Variants in RASA3 observed in about 807,000 individuals in gnomAD.
RASA3 encodes RAS p21 protein activator 3.
In RASA3, 73 loss-of-function variants were observed where a neutral mutation model predicts 110.0. That is an observed-to-expected ratio of 0.66 (90% CI 0.55 to 0.81). RASA3 has a LOEUF of 0.81. Among genes scored for constraint, RASA3 ranks in the 30% least tolerant of loss-of-function variants. The pLI is 0.00. For synonymous variants in RASA3, 500 were observed against 451.4 expected (o/e 1.11, Z -1.37); for missense variants, 976 against 1,113.2 (o/e 0.88, Z 1.75).
At chr13:114,017,449 G>A (rs1242750729) in intron 11 of RASA3, 98 bp from the exon 12 acceptor site, 1 of 940,864 alleles carries the variant, frequency 1.1e-6, no homozygotes, top group South Asian at 1.3e-5. Flanking sequence ...GGGCTGTGAG[G>A]TCAGTGCACG....
chr13:114,030,483 GGGC>G (rs2054136930), intron 4 of RASA3, among the ~76,000 whole-genome samples: 1 of 128,272 alleles, frequency 7.8e-6, no homozygotes, highest in African/African-American at 3.2e-5. Flanking sequence ...CTCACACAGA[GGGC>G]AAGACTCACA....
At chr13:114,130,249 A>G (rs2080499791) in intron 1 of RASA3, among the ~76,000 whole-genome samples, 1 of 152,168 alleles carries the variant, frequency 6.6e-6, no homozygotes, top group Non-Finnish European at 1.5e-5. Flanking sequence ...TCAGGCAGCC[A>G]GCCCTGCAGG....
At chr13:114,078,180 C>T (rs576586643) in intron 1 of RASA3, among the ~76,000 whole-genome samples, 79 of 152,352 alleles carry the variant, frequency 5.2e-4, no homozygotes, top group African/African-American at 1.8e-3. Context: ...GACCGAGCCT[C>T]TCCCTGCAGC....
intron 1 of RASA3, among the ~76,000 whole-genome samples, chr13:114,076,885 C>T (rs1046852521): frequency 6.6e-6 from 1 of 152,228 alleles, no homozygotes; most frequent in Non-Finnish European, 1.5e-5. Flanking sequence ...TTCCTTCTGA[C>T]ACCTTTACAG....
intron 5 of RASA3, among the ~76,000 whole-genome samples, chr13:114,028,235 C>A (rs2054067872): frequency 6.7e-6 from 1 of 149,734 alleles, no homozygotes; most frequent in Non-Finnish European, 1.5e-5. Context: ...AAAACAGTGT[C>A]ATCCTGGGGG....
intron 8 of RASA3, among the ~76,000 whole-genome samples, chr13:114,023,152 G>A (rs998302151): frequency 6.6e-6 from 1 of 152,270 alleles, no homozygotes; most frequent in Non-Finnish European, 1.5e-5. Context: ...GCCCCTGGGA[G>A]GGAGGGTGAC....
chr13:113,995,371 A>G (rs1190451771), intron 21 of RASA3, among the ~76,000 whole-genome samples: 2 of 152,368 alleles, frequency 1.3e-5, no homozygotes, highest in South Asian at 4.1e-4. Context: ...TGTGTCCACG[A>G]AGCAGGATCT....
chr13:114,059,505 C>T (rs535204839), intron 2 of RASA3, among the ~76,000 whole-genome samples: 7 of 152,238 alleles, frequency 4.6e-5, no homozygotes, highest in Admixed American at 6.5e-5. Flanking sequence ...AAGATGGGGA[C>T]GTCCACGTTT....
chr13:114,033,038 C>A (rs2054203435), intron 4 of RASA3, among the ~76,000 whole-genome samples: 1 of 62,930 alleles, frequency 1.6e-5, no homozygotes, highest in Non-Finnish European at 3.1e-5. Flanking sequence ...CGTTCCACGG[C>A]ACCCCCACAC....
In RASA3 at chr13:114,057,507, T is replaced by C. The variant is rs2079265484; in HGVS notation, c.174-5352A>G. 1.0e-6 allele frequency: 1 copy of C among 985,372 alleles called. No homozygotes were observed. Among genetic ancestry groups the C allele is most frequent in the Non-Finnish European group, 1.2e-6 (1 of 829,900 alleles). 61.0% of individuals were successfully genotyped at this position (985,372 alleles called of 1,614,324 possible). The stretch of plus-strand genomic sequence containing the variant: ...AGAATAGAGGGTTCGTTCAGCTTCT[T>C]AGACCGATGATTTATTTAGGGAATA... On this transcript the variant is annotated intron_variant, in intron 2 of 23. Transcript: ENST00000334062. This position sits in a 1 kb window ranked among gnomAD's most constrained non-coding sequence, Gnocchi z 5.0.
At chr13:114,007,681 C>A in intron 17 of RASA3, 75 bp from the exon 18 acceptor site, 9 of 1,251,768 alleles carry the variant, frequency 7.2e-6, no homozygotes, top group Non-Finnish European at 1.0e-5. Flanking sequence ...ATAACAACAG[C>A]GTCGGCGGCT....
At chr13:114,081,778 C>T (rs1479116899) in intron 1 of RASA3, among the ~76,000 whole-genome samples, 2 of 152,148 alleles carry the variant, frequency 1.3e-5, no homozygotes, top group African/African-American at 4.8e-5. Context: ...CAAAGGTGGG[C>T]TGAAATGAAG....
chr13:113,995,354 C>T (rs1266314603), intron 21 of RASA3, among the ~76,000 whole-genome samples: 2 of 152,268 alleles, frequency 1.3e-5, no homozygotes, highest in Non-Finnish European at 2.9e-5. Flanking sequence ...TCCTGAGCTT[C>T]AGCCTCTGTG....
At chr13:114,075,467 ATC>A (rs1421992478) in intron 1 of RASA3, among the ~76,000 whole-genome samples, 2 of 85,948 alleles carry the variant, frequency 2.3e-5, no homozygotes, top group Non-Finnish European at 5.3e-5. Context: ...CGCGCCGCGT[ATC>A]TCTGCGTGTG....
intron 1 of RASA3, among the ~76,000 whole-genome samples, chr13:114,120,028 A>G (rs368359282): frequency 5.9e-4 from 11 of 18,538 alleles, no homozygotes; most frequent in African/African-American, 2.4e-3. Context: ...CTCCAGCCAG[A>G]CGTCGGTCAG....
intron 2 of RASA3, among the ~76,000 whole-genome samples, chr13:114,053,144 G>C (rs1031278777): frequency 6.6e-6 from 1 of 151,848 alleles, no homozygotes; most frequent in African/African-American, 2.4e-5. Context: ...TCCCGGAGGA[G>C]AGGCCCCTGC....
intron 21 of RASA3, among the ~76,000 whole-genome samples, chr13:113,995,673 A>G (rs1204477055): frequency 1.3e-4 from 12 of 94,720 alleles, no homozygotes; most frequent in African/African-American, 3.7e-4. Context: ...CGGAGGACCC[A>G]GCTGATGGGG....
chr13:113,993,671 G>C (rs979271547), intron 21 of RASA3, among the ~76,000 whole-genome samples: 1 of 151,518 alleles, frequency 6.6e-6, no homozygotes, highest in Non-Finnish European at 1.5e-5. Context: ...AGCCAGGTGT[G>C]GTGGTGCACA....
chr13:114,105,737 TTGTC>T (rs1263734955), intron 1 of RASA3, among the ~76,000 whole-genome samples: 12 of 152,230 alleles, frequency 7.9e-5, no homozygotes, highest in Non-Finnish European at 1.5e-4. Context: ...AGCCCGTCCG[TTGTC>T]CTGACACCTG....
Sources: allele counts gnomAD v4.1 joint callset (sites outside exome capture counted in the v4.1 genomes callset), GRCh38; gene constraint gnomAD v4.1.1; non-coding constraint Gnocchi (gnomAD v3.1); transcripts MANE v1.5; gene names NCBI Gene and HGNC (gene_info 2026-07-23, HGNC 2026-07-21).